The following UVRAG variants were observed in gnomAD, a reference collection of about 807,000 sequenced individuals.
The protein encoded by UVRAG is UV radiation resistance associated.
In UVRAG, 19 loss-of-function variants were observed where a neutral mutation model predicts 78.0. The observed-to-expected ratio is 0.24, with a 90% confidence interval of 0.17 to 0.36. The LOEUF (loss-of-function observed/expected upper bound fraction) is 0.36. Among genes scored for constraint, UVRAG ranks in the 10% least tolerant of loss-of-function variants. The pLI, the probability that UVRAG is intolerant of heterozygous loss-of-function variation, is 1.00. For synonymous variants in UVRAG, 323 were observed against 324.6 expected (o/e 1.00, Z 0.05); for missense variants, 740 against 853.8 (o/e 0.87, Z 1.66).
At chr11:76,056,983 A>G (rs1950997300) in intron 12 of UVRAG, among the ~76,000 whole-genome samples, 1 of 152,224 alleles carries the variant, frequency 6.6e-6, no homozygotes, top group Non-Finnish European at 1.5e-5. Flanking sequence ...AAAACAGAGA[A>G]TAGCAAGTTC....
intron 12 of UVRAG, among the ~76,000 whole-genome samples, chr11:76,061,461 T>C (rs1221558706): frequency 3.3e-5 from 5 of 152,182 alleles, no homozygotes; most frequent in Non-Finnish European, 4.4e-5. Flanking sequence ...TTTCGTTCTT[T>C]GCAATAAATC....
chr11:76,096,346 T>C (rs1951785076), intron 13 of UVRAG, among the ~76,000 whole-genome samples: 1 of 152,142 alleles, frequency 6.6e-6, no homozygotes, highest in Non-Finnish European at 1.5e-5. Context: ...TCTAGATAAG[T>C]TAAAAACGTA....
intron 12 of UVRAG, among the ~76,000 whole-genome samples, chr11:76,020,901 A>T (rs959034638): frequency 1.3e-5 from 2 of 152,090 alleles, no homozygotes; most frequent in Admixed American, 6.6e-5. Context: ...AACCACTGGG[A>T]TGGGCGATTC....
chr11:76,020,801 A>C (rs1307451893), intron 12 of UVRAG, among the ~76,000 whole-genome samples: 1 of 152,054 alleles, frequency 6.6e-6, no homozygotes, highest in Admixed American at 6.5e-5. Context: ...TAGGAATTGC[A>C]GTCTTCACAG....
At chr11:75,893,840 G>A (rs1242011971) in intron 5 of UVRAG, among the ~76,000 whole-genome samples, 2 of 148,882 alleles carry the variant, frequency 1.3e-5, no homozygotes, top group African/African-American at 2.5e-5. Context: ...AAAAAAAAAA[G>A]CGAGGGTGAG....
At chr11:75,892,462 A>C (rs1947233974) in intron 5 of UVRAG, 2 of 924,540 alleles carry the variant, frequency 2.2e-6, no homozygotes, top group Non-Finnish European at 2.6e-6. Context: ...GCACTATTCT[A>C]AACACTTTAC....
intron 13 of UVRAG, among the ~76,000 whole-genome samples, chr11:76,099,360 AAATAAC>A (rs1483437536): frequency 1.3e-5 from 2 of 152,184 alleles, no homozygotes; most frequent in African/African-American, 4.8e-5. Context: ...AATACGAGGA[AAATAAC>A]AGTACCTGCT....
At chr11:75,985,733 AT>A (rs1290310881) in intron 8 of UVRAG, among the ~76,000 whole-genome samples, 1 of 151,806 alleles carries the variant, frequency 6.6e-6, no homozygotes, top group East Asian at 1.9e-4. Flanking sequence ...AGTCGAGATT[AT>A]TTTTTTTCGT....
chr11:76,132,013 A>G (rs1565174079), intron 14 of UVRAG, among the ~76,000 whole-genome samples: 4 of 152,274 alleles, frequency 2.6e-5, no homozygotes, highest in Admixed American at 1.3e-4. Flanking sequence ...CTTAGCTGCC[A>G]AAAGACGTAA....
intron 13 of UVRAG, among the ~76,000 whole-genome samples, chr11:76,087,208 A>G (rs1457154050): frequency 6.6e-6 from 1 of 152,218 alleles, no homozygotes; most frequent in Non-Finnish European, 1.5e-5. Context: ...GTACATAGGA[A>G]TGCCAGTGAG....
chr11:76,082,491 G>T lies in UVRAG; in HGVS notation c.1305+16703G>T, dbSNP rs1438172587. Among the ~76,000 whole-genome samples the T allele has an allele frequency of 3.9e-5, 5 of 128,980 alleles. No individual in the cohort carries two copies. The Admixed American group carries it at 4.8e-4, about 12-fold the overall frequency. The allele number at this position is 128,980 out of a possible 152,430, so 84.6% of individuals were successfully genotyped here. The stretch of plus-strand genomic sequence containing the variant: ...GGAGGCGGAGCTTGCAGTGAGCGGA[G>T]ATGGCACCACTGCACTCCAGCCTGG... On this transcript the variant is annotated intron_variant, in intron 13 of 14. Coordinates refer to ENST00000356136, the MANE Select transcript of UVRAG (RefSeq NM_003369.4).
intron 6 of UVRAG, among the ~76,000 whole-genome samples, chr11:75,949,734 T>G (rs893870590): frequency 2.7e-5 from 4 of 146,192 alleles, no homozygotes; most frequent in Admixed American, 6.8e-5. Context: ...CACACACATA[T>G]ACACATATAT....
chr11:75,939,493 C>G (rs1462787584), intron 6 of UVRAG, among the ~76,000 whole-genome samples: 1 of 152,040 alleles, frequency 6.6e-6, no homozygotes, highest in African/African-American at 2.4e-5. Flanking sequence ...TTTGGCCTTC[C>G]CGTTGAATGT....
chr11:75,957,151 G>C (rs1948815164), intron 6 of UVRAG, among the ~76,000 whole-genome samples: 1 of 151,774 alleles, frequency 6.6e-6, no homozygotes, highest in Non-Finnish European at 1.5e-5. Flanking sequence ...CCCCAAGTTT[G>C]CAGGAGATAG....
intron 11 of UVRAG, among the ~76,000 whole-genome samples, chr11:76,014,869 A>G (rs1269717601): frequency 6.6e-6 from 1 of 152,218 alleles, no homozygotes; most frequent in Non-Finnish European, 1.5e-5. Context: ...AGGTAGTCTG[A>G]TGTACGGGTT....
At chr11:76,016,685 A>G in intron 11 of UVRAG, 130 bp from the exon 12 acceptor site, 3 of 819,818 alleles carry the variant, frequency 3.7e-6, no homozygotes, top group Non-Finnish European at 5.1e-6. Flanking sequence ...AATTTATATA[A>G]TTTAGATAAG....
At chr11:75,868,180 C>T (rs1028348906) in intron 3 of UVRAG, among the ~76,000 whole-genome samples, 1 of 152,188 alleles carries the variant, frequency 6.6e-6, no homozygotes, top group Non-Finnish European at 1.5e-5. Flanking sequence ...GGAGATGTCA[C>T]TTGAGCAGAC....
chr11:76,085,403 A>G (rs576194523), intron 13 of UVRAG, among the ~76,000 whole-genome samples: 22 of 152,298 alleles, frequency 1.4e-4, no homozygotes, highest in African/African-American at 5.1e-4. Flanking sequence ...ACAGGCCAGC[A>G]GGCAGTCTGT....
chr11:75,905,257 G>A (rs1947590203), intron 5 of UVRAG, among the ~76,000 whole-genome samples: 2 of 151,982 alleles, frequency 1.3e-5, no homozygotes, highest in African/African-American at 4.8e-5. Flanking sequence ...AAAATGTATT[G>A]ATTATTTCTT....
Sources: gnomAD v4.1 joint callset for allele counts (sites outside exome capture counted in the v4.1 genomes callset) on GRCh38, gnomAD v4.1.1 for gene constraint, MANE v1.5 for transcripts, NCBI Gene and HGNC (gene_info 2026-07-23, HGNC 2026-07-21) for gene names.